The following LARGE1 variants were observed in gnomAD, a reference collection of about 807,000 sequenced individuals.
LARGE1 encodes the protein LARGE xylosyl- and glucuronyltransferase 1.
LARGE1 carries 43 observed loss-of-function variants against 87.6 expected under a neutral mutation model. The observed-to-expected ratio is 0.49, with a 90% CI of 0.38 to 0.63. The LOEUF (loss-of-function observed/expected upper bound fraction) is 0.63. Among genes scored for constraint, LARGE1 ranks in the 30% least tolerant of loss-of-function variants. LARGE1 has a pLI of 0.00. For missense variants in LARGE1, 802 were observed against 1,000.2 expected, an observed-to-expected ratio of 0.80 and a Z score of 2.67; for synonymous variants, 434 against 394.6, an observed-to-expected ratio of 1.10 and a Z score of -1.18.
At chr22:33,818,366 T>C (rs951661463) in intron 1 of LARGE1, among the ~76,000 whole-genome samples, 2 of 152,326 alleles carry the variant, frequency 1.3e-5, no homozygotes, top group East Asian at 3.9e-4. Flanking sequence ...CAGGGATGTC[T>C]TTCCAGAGCC....
chr22:33,221,438 A>G (rs1925455171), intron 11 of LARGE1, among the ~76,000 whole-genome samples: 1 of 152,236 alleles, frequency 6.6e-6, no homozygotes, highest in African/African-American at 2.4e-5. Flanking sequence ...CATTAAAAAG[A>G]TGCAAGTTAT....
At chr22:33,345,188 A>G (rs2146671561) in intron 9 of LARGE1, among the ~76,000 whole-genome samples, 1 of 152,102 alleles carries the variant, frequency 6.6e-6, no homozygotes, top group East Asian at 1.9e-4. Context: ...TCTTTACACA[A>G]CTCTATGAGA....
intron 2 of LARGE1, among the ~76,000 whole-genome samples, chr22:33,700,702 A>G (rs767171718): frequency 7.9e-5 from 12 of 152,160 alleles, no homozygotes; most frequent in Non-Finnish European, 1.2e-4. Context: ...CTGGCCTTGA[A>G]GAGTGAGTAG....
Position 33,439,600 on chromosome 22 carries a change from A to G in LARGE1, c.788-7335T>C, listed in dbSNP as rs543490507. ...TTTTGTTACTCTCTATTTTATCCACAGATGATGGGATCTACTCCGGTGGCT... is the reference window on the plus strand; with the variant it reads ...TTTTGTTACTCTCTATTTTATCCACGGATGATGGGATCTACTCCGGTGGCT... On this transcript the variant is annotated intron_variant, in intron 6 of 14. Transcript: ENST00000397394. 3.3e-5 allele frequency among the ~76,000 whole-genome samples: 5 copies of G among 152,230 alleles called. No homozygotes were observed. In the South Asian group the frequency reaches 1.0e-3, roughly 32 times the overall value.
At chr22:33,214,729 C>T (rs1444772064) in intron 11 of LARGE1, among the ~76,000 whole-genome samples, 1 of 152,174 alleles carries the variant, frequency 6.6e-6, no homozygotes, top group African/African-American at 2.4e-5. Context: ...CAGGATTTTC[C>T]TTCAGGTTCC....
At chr22:33,326,869 C>G (rs935950379) in intron 10 of LARGE1, among the ~76,000 whole-genome samples, 4 of 152,158 alleles carry the variant, frequency 2.6e-5, no homozygotes, top group Non-Finnish European at 4.4e-5. Flanking sequence ...GAAACCGTGG[C>G]CCAGACTTGT....
chr22:33,252,415 A>G (rs529247062), intron 11 of LARGE1, among the ~76,000 whole-genome samples: 1 of 152,248 alleles, frequency 6.6e-6, no homozygotes, highest in Non-Finnish European at 1.5e-5. Context: ...ATCAACATGC[A>G]TGCATTTTAT....
intron 2 of LARGE1, among the ~76,000 whole-genome samples, chr22:33,651,223 T>TAAAAATAAAAAAAAAAAAAAA (rs1371688457): frequency 5.8e-5 from 1 of 17,146 alleles, no homozygotes; most frequent in Non-Finnish European, 1.1e-4. Context: ...CTACTAAAAA[T>TAAAAATAAAAAAAAAAAAAAA]ACAAAAAAAA....
intron 6 of LARGE1, among the ~76,000 whole-genome samples, chr22:33,516,607 T>A (rs921702881): frequency 3.3e-5 from 5 of 149,966 alleles, no homozygotes; most frequent in African/African-American, 1.2e-4. Flanking sequence ...TATTATTATT[T>A]TTGAGACAGT....
intron 6 of LARGE1, among the ~76,000 whole-genome samples, chr22:33,562,670 C>A (rs533298145): frequency 1.3e-5 from 2 of 152,140 alleles, no homozygotes; most frequent in African/African-American, 2.4e-5. Flanking sequence ...TTCCCTTCCA[C>A]GGATGATATC....
chr22:33,578,562 T>C (rs1039004141), intron 5 of LARGE1, among the ~76,000 whole-genome samples: 3 of 152,244 alleles, frequency 2.0e-5, no homozygotes, highest in Non-Finnish European at 4.4e-5. Context: ...ACAGACAGTA[T>C]ACTAAAGCAA....
At chr22:33,871,041 G>A (rs1402320018) in intron 1 of LARGE1, among the ~76,000 whole-genome samples, 1 of 152,206 alleles carries the variant, frequency 6.6e-6, no homozygotes, top group Admixed American at 6.5e-5. Flanking sequence ...AAGGTCTGGT[G>A]ACACAGCCCA....
chr22:33,470,648 C>T (rs559275578), intron 6 of LARGE1, among the ~76,000 whole-genome samples: 34 of 152,318 alleles, frequency 2.2e-4, no homozygotes, highest in South Asian at 1.5e-3. Context: ...TCATTCCTCT[C>T]GTCCATAAGC....
chr22:33,343,523 T>C (rs1312120623), intron 9 of LARGE1, among the ~76,000 whole-genome samples: 1 of 152,162 alleles, frequency 6.6e-6, no homozygotes, highest in Non-Finnish European at 1.5e-5. Context: ...ATCATGGGAT[T>C]ATAGAGGAAA....
intron 9 of LARGE1, among the ~76,000 whole-genome samples, chr22:33,341,676 G>A (rs1303794862): frequency 6.6e-6 from 1 of 152,208 alleles, no homozygotes; most frequent in Non-Finnish European, 1.5e-5. Context: ...AGTAGCCAGA[G>A]TAAGAACTAT....
At chr22:33,565,162 T>C (rs2077985821) in intron 5 of LARGE1, 143 bp from the exon 6 acceptor site, 1 of 771,878 alleles carries the variant, frequency 1.3e-6, no homozygotes, top group Admixed American at 2.4e-5. Context: ...GAGTTTTCTT[T>C]TAAAGATTTA....
At chr22:33,364,155 C>T (rs1020325868) in intron 9 of LARGE1, among the ~76,000 whole-genome samples, 5 of 151,956 alleles carry the variant, frequency 3.3e-5, no homozygotes, top group South Asian at 2.1e-4. Flanking sequence ...CCCGGGTTCA[C>T]GCCATTCTCC....
chr22:33,446,489 A>C (rs1405771987), intron 6 of LARGE1, among the ~76,000 whole-genome samples: 1 of 152,168 alleles, frequency 6.6e-6, no homozygotes, highest in Non-Finnish European at 1.5e-5. Flanking sequence ...CCTGACACTA[A>C]TTCTGGGTAG....
intron 2 of LARGE1, among the ~76,000 whole-genome samples, chr22:33,739,453 C>A (rs557913687): frequency 6.6e-6 from 1 of 152,192 alleles, no homozygotes; most frequent in Non-Finnish European, 1.5e-5. Flanking sequence ...CTTTCAGCTG[C>A]GGTACTGTCC....
Sources: allele counts gnomAD v4.1 joint callset (sites outside exome capture counted in the v4.1 genomes callset), GRCh38; gene constraint gnomAD v4.1.1; transcripts MANE v1.5; gene names NCBI Gene and HGNC (gene_info 2026-07-23, HGNC 2026-07-21).